RLF: variants seen among roughly 807,000 people sequenced by gnomAD.
The protein encoded by RLF is zinc finger protein Rlf.
Under a neutral mutation model 162.9 loss-of-function variants are expected in RLF, and 7 were observed. The observed-to-expected ratio is 0.04, with a 90% CI of 0.02 to 0.08. The LOEUF is 0.08. RLF is among the 10% of genes least tolerant of loss of function. RLF has a pLI of 1.00. For synonymous variants in RLF, 782 were observed against 791.5 expected, an observed-to-expected ratio of 0.99 and a Z score of 0.20; for missense variants, 1,664 against 2,244.7, an observed-to-expected ratio of 0.74 and a Z score of 5.23.
chr1:40,233,054 C>T (rs565440838), intron 7 of RLF, among the ~76,000 whole-genome samples: 1 of 148,528 alleles, frequency 6.7e-6, no homozygotes, highest in Non-Finnish European at 1.5e-5. Flanking sequence ...GAGATCACAC[C>T]ATTGCACTCC....
At chr1:40,162,593 G>T (rs1642108513) in intron 1 of RLF, among the ~76,000 whole-genome samples, 1 of 152,204 alleles carries the variant, frequency 6.6e-6, no homozygotes, top group South Asian at 2.1e-4. Context: ...AGTCCAGTAT[G>T]CTGAATAAAT....
chr1:40,203,566 G>T (rs61781763), intron 5 of RLF, among the ~76,000 whole-genome samples: 2 of 150,882 alleles, frequency 1.3e-5, no homozygotes, highest in African/African-American at 4.9e-5. Flanking sequence ...ACTATTTTAT[G>T]TATCAGATTG....
intron 5 of RLF, among the ~76,000 whole-genome samples, chr1:40,213,950 C>T (rs1368167084): frequency 6.6e-6 from 1 of 152,180 alleles, no homozygotes; most frequent in Non-Finnish European, 1.5e-5. Flanking sequence ...CAGTTGGCTG[C>T]CTCTTATGCC....
rs374831858 is a variant in RLF, at chr1:40,174,231, C to T, written c.237+12595C>T. ...ACTAAAACTACAAAAATCAGCTAGG[C>T]GCAGTGGCAGGCGCCTGTAATCCCA... On this transcript the variant is annotated intron_variant, in intron 1 of 7. Coordinates refer to ENST00000372771, the MANE Select transcript of RLF (RefSeq NM_012421.4). 1.2e-4 allele frequency among the ~76,000 whole-genome samples: 18 copies of T among 152,248 alleles called. 1 individual carries two copies. The highest frequency in any genetic ancestry group is 3.9e-4 in the East Asian group (2 of 5,180).
At position 40,237,766 on chromosome 1, in the gene RLF, T is replaced by A; in HGVS notation, c.3064T>A (p.Ser1022Thr). The change falls in exon 8 of 8, where the codon TCC becomes ACC. Residue 1022 changes from serine (S) to threonine (T), a missense_variant. Physicochemically the swap from Ser to Thr is moderately conservative, Grantham distance 58. This residue lies in a region of RLF where 295 missense variants were observed against 317.4 expected (regional missense o/e 0.93). Transcript: ENST00000372771. The surrounding 1 kb of genome is among the most constrained non-coding windows in gnomAD (Gnocchi z 4.4). ...PKPCSDTNSD[S>T]PDEGLDHNIH... ...ACCCTGCTCAGATACAAACAGTGAC[T>A]CCCCAGATGAAGGTCTAGATCACAA... is the stretch of plus-strand genomic sequence containing the variant. 6.2e-7 allele frequency: 1 copy of A among 1,614,006 alleles called. No individual in the cohort carries two copies. The highest frequency in any genetic ancestry group is 8.5e-7 in the Non-Finnish European group (1 of 1,179,994).
Position 40,238,770 on chromosome 1 carries a change from C to T in RLF, c.4068C>T (p.Val1356=), listed in dbSNP as rs751293561. The change falls in exon 8 of 8, where the codon GTC becomes GTT. Residue 1356 remains valine, a synonymous_variant. Coordinates refer to ENST00000372771, the MANE Select transcript of RLF (RefSeq NM_012421.4). The surrounding 1 kb of genome is among the most constrained non-coding windows in gnomAD (Gnocchi z 5.2). ...KDKARTKREL[V]KCKKIFACKY... is the part of the protein sequence containing the mutation. ...AAGCAAGAACCAAAAGGGAACTTGT[C>T]AAATGTAAAAAGATATTTGCTTGCA... The T allele has an allele frequency of 1.2e-6, 2 of 1,612,858 alleles. No homozygotes were observed. Among genetic ancestry groups the T allele is most frequent in the South Asian group, 1.1e-5 (1 of 90,734 alleles).
chr1:40,179,602 C>G (rs1570521754), intron 1 of RLF, among the ~76,000 whole-genome samples: 1 of 150,574 alleles, frequency 6.6e-6, no homozygotes, highest in Non-Finnish European at 1.5e-5. Flanking sequence ...ATAGAATTTG[C>G]CATCTTAACC....
At chr1:40,184,479 G>A (rs925235479) in intron 1 of RLF, among the ~76,000 whole-genome samples, 8 of 152,164 alleles carry the variant, frequency 5.3e-5, no homozygotes, top group African/African-American at 1.9e-4. Flanking sequence ...TTTTAGCTCT[G>A]GCTCCTGAAA....
chr1:40,174,418 C>CA (rs1325939733), intron 1 of RLF, among the ~76,000 whole-genome samples: 7 of 151,846 alleles, frequency 4.6e-5, no homozygotes, highest in African/African-American at 1.7e-4. Flanking sequence ...AGAGTGCCAC[C>CA]AAATGGGTAT....
intron 5 of RLF, among the ~76,000 whole-genome samples, chr1:40,203,711 C>T (rs551637294): frequency 6.6e-6 from 1 of 152,204 alleles, no homozygotes; most frequent in East Asian, 1.9e-4. Context: ...CTTTAATCCT[C>T]TTATCTGCCA....
intron 5 of RLF, among the ~76,000 whole-genome samples, chr1:40,220,817 G>T (rs1642981858): frequency 6.6e-6 from 1 of 152,020 alleles, no homozygotes; most frequent in Non-Finnish European, 1.5e-5. Context: ...GAGCCATAGT[G>T]AAAGTGCATA....
intron 1 of RLF, among the ~76,000 whole-genome samples, chr1:40,167,103 T>C (rs551745166): frequency 1.3e-5 from 2 of 152,320 alleles, no homozygotes; most frequent in South Asian, 4.1e-4. Context: ...CATATAATAA[T>C]GTATACATTT....
intron 4 of RLF, among the ~76,000 whole-genome samples, chr1:40,196,992 A>G (rs1024764414): frequency 6.6e-6 from 1 of 152,222 alleles, no homozygotes; most frequent in African/African-American, 2.4e-5. Flanking sequence ...CTATAAAAAC[A>G]GACTTTAGAA....
At position 40,181,398 on chromosome 1, in the gene RLF, C is replaced by G. The variant is rs188120393; in HGVS notation, c.238-7657C>G. Among the ~76,000 whole-genome samples, 937 of 152,212 alleles carry G rather than the reference C, an allele frequency of 6.2e-3. 5 individuals are homozygous for G. Among genetic ancestry groups the G allele is most frequent in the Admixed American group, 9.5e-3 (145 of 15,286 alleles). On this transcript the variant is annotated intron_variant, in intron 1 of 7. Transcript: ENST00000372771. ...TGAGCCGAGATGGCACCACCGCACT[C>G]CAGCCTGGGCAGCAGAGCGAGACTC...
At chr1:40,178,233 T>TG (rs1557739546) in intron 1 of RLF, among the ~76,000 whole-genome samples, 2 of 152,142 alleles carry the variant, frequency 1.3e-5, no homozygotes. Flanking sequence ...TAGCCATACA[T>TG]GTGTGTCTCA....
chr1:40,168,346 A>G (rs1642194449), intron 1 of RLF, among the ~76,000 whole-genome samples: 1 of 152,152 alleles, frequency 6.6e-6, no homozygotes, highest in African/African-American at 2.4e-5. Context: ...CCTGGGTTCA[A>G]GCGATTCTCG....
chr1:40,195,070 G>C (rs1365893051), intron 3 of RLF, among the ~76,000 whole-genome samples: 3 of 151,238 alleles, frequency 2.0e-5, no homozygotes, highest in Non-Finnish European at 4.4e-5. Context: ...CCTGACCTCA[G>C]ATGGTCCACC....
chr1:40,220,815 G>A (rs1642981829), intron 5 of RLF, among the ~76,000 whole-genome samples: 1 of 152,056 alleles, frequency 6.6e-6, no homozygotes, highest in African/African-American at 2.4e-5. Context: ...GAGAGCCATA[G>A]TGAAAGTGCA....
rs1643253722 is a variant in RLF, at chr1:40,238,962, A to G, written c.4260A>G (p.Thr1420=). The G allele has an allele frequency of 1.9e-6, 3 of 1,614,214 alleles. No individual in the cohort carries two copies. The highest frequency in any genetic ancestry group is 2.2e-5 in the East Asian group (1 of 44,884). ...CTCAGTGCCCTGCTGTTTTTTATACATTCAACAAGTTGAAGCACCACTTGA... is the reference window on the plus strand; with the variant it reads ...CTCAGTGCCCTGCTGTTTTTTATACGTTCAACAAGTTGAAGCACCACTTGA... ...NQPQCPAVFY[T]FNKLKHHLME... Residue 1420 remains threonine, a synonymous_variant, in exon 8 of 8, where the codon ACA becomes ACG. Coordinates refer to ENST00000372771, the MANE Select transcript of RLF (RefSeq NM_012421.4). The surrounding 1 kb of genome is among the most constrained non-coding windows in gnomAD (Gnocchi z 5.2).
Sources: allele counts gnomAD v4.1 joint callset (sites outside exome capture counted in the v4.1 genomes callset), GRCh38; gene constraint gnomAD v4.1.1; regional missense constraint gnomAD v4.1.1; non-coding constraint Gnocchi (gnomAD v3.1); transcripts MANE v1.5; gene names NCBI Gene and HGNC (gene_info 2026-07-23, HGNC 2026-07-21).